PCDH15: variants seen among roughly 807,000 people sequenced by gnomAD.
The protein encoded by PCDH15 is protocadherin-15.
In PCDH15, 129 loss-of-function variants were observed where a neutral mutation model predicts 178.5. The observed-to-expected ratio is 0.72, with a 90% CI of 0.63 to 0.84. The LOEUF is 0.84. PCDH15 is among the 40% of genes least tolerant of loss of function. The pLI is 0.00. For synonymous variants in PCDH15, 800 were observed against 732.0 expected (o/e 1.09, Z -1.50); for missense variants, 2,230 against 2,099.9 (o/e 1.06, Z -1.21).
intron 2 of PCDH15, among the ~76,000 whole-genome samples, chr10:55,142,192 C>T (rs1838372399): frequency 6.6e-6 from 1 of 152,092 alleles, no homozygotes; most frequent in African/African-American, 2.4e-5. Context: ...ACTGATGTGT[C>T]TCCTATCCCA....
chr10:54,293,568 T>C (rs890235212), intron 8 of PCDH15, among the ~76,000 whole-genome samples: 1 of 152,124 alleles, frequency 6.6e-6, no homozygotes, highest in Non-Finnish European at 1.5e-5. Context: ...AATCTACCCA[T>C]CTGACAAAGG....
intron 2 of PCDH15, among the ~76,000 whole-genome samples, chr10:55,339,384 T>C (rs1844488770): frequency 6.6e-6 from 1 of 152,146 alleles, no homozygotes; most frequent in Non-Finnish European, 1.5e-5. Context: ...AATGAGGATA[T>C]AGGATAGTGA....
intron 23 of PCDH15, among the ~76,000 whole-genome samples, chr10:53,942,204 C>T (rs1357616203): frequency 6.6e-6 from 1 of 152,134 alleles, no homozygotes; most frequent in East Asian, 1.9e-4. Flanking sequence ...AGAATAAGAA[C>T]CAATCTGTAT....
chr10:54,873,480 A>G (rs1021013349), intron 3 of PCDH15, among the ~76,000 whole-genome samples: 1 of 148,818 alleles, frequency 6.7e-6, no homozygotes, highest in Admixed American at 6.8e-5. Context: ...TATTTTATAT[A>G]TATATAATAT....
At chr10:55,012,939 T>C (rs539857604) in intron 2 of PCDH15, among the ~76,000 whole-genome samples, 25 of 152,250 alleles carry the variant, frequency 1.6e-4, no homozygotes, top group East Asian at 1.4e-3. Flanking sequence ...ATCATCTCTT[T>C]GCATGTGTCA....
At chr10:54,133,341 A>G (rs1255739626) in intron 14 of PCDH15, among the ~76,000 whole-genome samples, 1 of 152,194 alleles carries the variant, frequency 6.6e-6, no homozygotes, top group Non-Finnish European at 1.5e-5. Flanking sequence ...TAGCAAAATC[A>G]TTCTATAAAC....
intron 13 of PCDH15, among the ~76,000 whole-genome samples, chr10:54,182,533 G>GTGTGTGTGTGTGTGTT (rs2048089409): frequency 6.6e-6 from 1 of 151,914 alleles, no homozygotes; most frequent in African/African-American, 2.4e-5. Flanking sequence ...GTGTGTGTGT[G>GTGTGTGTGTGTGTGTT]TGTGTTTGAA....
chr10:55,152,000 T>C (rs532996536), intron 2 of PCDH15, among the ~76,000 whole-genome samples: 1 of 152,074 alleles, frequency 6.6e-6, no homozygotes, highest in South Asian at 2.1e-4. Flanking sequence ...GACTTTGTTA[T>C]GTGGATGAAA....
intron 1 of PCDH15, among the ~76,000 whole-genome samples, chr10:54,760,492 A>C (rs1947733524): frequency 6.6e-6 from 1 of 152,146 alleles, no homozygotes; most frequent in Non-Finnish European, 1.5e-5. Context: ...GTGGATACTA[A>C]ATATCTTATT....
chr10:53,992,744 G>T (rs554963342), intron 21 of PCDH15, among the ~76,000 whole-genome samples: 49 of 152,232 alleles, frequency 3.2e-4, no homozygotes, highest in African/African-American at 1.1e-3. Context: ...AAAATGATCA[G>T]TCATTCACTA....
intron 2 of PCDH15, among the ~76,000 whole-genome samples, chr10:55,113,545 A>AT (rs1156798531): frequency 5.9e-5 from 9 of 152,134 alleles, no homozygotes; most frequent in Non-Finnish European, 4.4e-5. Flanking sequence ...GCATTTTACA[A>AT]TTTTTTTCTT....
chr10:55,335,037 G>T (rs1026908299), intron 2 of PCDH15, among the ~76,000 whole-genome samples: 1 of 152,186 alleles, frequency 6.6e-6, no homozygotes, highest in African/African-American at 2.4e-5. Context: ...AACATTTAAA[G>T]AGTGGATTGC....
At chr10:55,241,796 A>G (rs571950261) in intron 1 of PCDH15, among the ~76,000 whole-genome samples, 1 of 152,192 alleles carries the variant, frequency 6.6e-6, no homozygotes, top group South Asian at 2.1e-4. Flanking sequence ...CATTTTCTTC[A>G]TCAAAAGCAC....
chr10:53,823,330 T>TTTG (rs766079292), intron 32 of PCDH15: 1 of 1,613,892 alleles, frequency 6.2e-7, no homozygotes, highest in Non-Finnish European at 8.5e-7. Context: ...TTTCCCCTGC[T>TTTG]TTGTTGAAAA....
intron 2 of PCDH15, among the ~76,000 whole-genome samples, chr10:55,069,446 G>C (rs1338236258): frequency 9.9e-6 from 1 of 100,870 alleles, no homozygotes; most frequent in African/African-American, 4.1e-5. Context: ...CCCCACAACA[G>C]TCCCCAGAGT....
intron 2 of PCDH15, among the ~76,000 whole-genome samples, chr10:55,622,461 T>C (rs1270575578): frequency 2.6e-5 from 4 of 152,136 alleles, no homozygotes; most frequent in East Asian, 3.9e-4. Context: ...AACATAGTTA[T>C]ATAAATCATT....
rs190399008 is a variant in PCDH15 at position 53,998,508 on chromosome 10, C to G, written c.2752-2743G>C. ...GTAATAATCACAGAAACCTTTTCTC[C>G]TTTAGCAGACTACCAAGAAGATGTA... is the stretch of plus-strand genomic sequence containing the variant. On this transcript the variant is annotated intron_variant, in intron 20 of 37. Coordinates refer to ENST00000644397, the MANE Select transcript of PCDH15 (RefSeq NM_001384140.1). Among the ~76,000 whole-genome samples, 115 of 152,060 alleles carry G rather than the reference C, an allele frequency of 7.6e-4. 1 individual carries two copies. The highest frequency in any genetic ancestry group is 2.7e-3 in the African/African-American group (113 of 41,498).
intron 3 of PCDH15, among the ~76,000 whole-genome samples, chr10:54,399,313 A>G (rs2135450388): frequency 6.6e-6 from 1 of 151,818 alleles, no homozygotes; most frequent in Admixed American, 6.6e-5. Flanking sequence ...TAATATAATG[A>G]TTAAAGATGG....
intron 8 of PCDH15, among the ~76,000 whole-genome samples, chr10:54,250,077 C>CTATTTTTTTTTTTTTT (rs1412806029): frequency 7.3e-6 from 1 of 137,810 alleles, no homozygotes; most frequent in African/African-American, 2.7e-5. Context: ...CCACATCCGG[C>CTATTTTTTTTTTTTTT]TTTTTTTTTT....
Sources: allele counts gnomAD v4.1 joint callset (sites outside exome capture counted in the v4.1 genomes callset), GRCh38; gene constraint gnomAD v4.1.1; transcripts MANE v1.5; gene names NCBI Gene and HGNC (gene_info 2026-07-23, HGNC 2026-07-21).